ARMC9: variants seen among roughly 807,000 people sequenced by gnomAD.
The protein encoded by ARMC9 is armadillo repeat containing 9, also known as lisH domain-containing protein ARMC9.
A neutral mutation model predicts 107.0 loss-of-function variants in ARMC9; 94 were observed. The ratio of observed to expected loss-of-function variants is 0.88; its 90% CI spans 0.74 to 1.04. ARMC9 has a LOEUF of 1.04. Among genes scored for constraint, ARMC9 ranks in the 50% least tolerant of loss-of-function variants. The pLI, the probability that ARMC9 is intolerant of heterozygous loss-of-function variation, is 0.00. For missense variants in ARMC9, 942 were observed against 1,030.1 expected (o/e 0.91, Z 1.17); for synonymous variants, 380 against 396.9 (o/e 0.96, Z 0.51).
At chr2:231,265,452 G>A (rs1343064877) in intron 12 of ARMC9, among the ~76,000 whole-genome samples, 3 of 152,166 alleles carry the variant, frequency 2.0e-5, no homozygotes, top group Non-Finnish European at 4.4e-5. Context: ...GCTGCAATTT[G>A]GATGGAGCTG....
Position 231,235,312 on chromosome 2 carries a change from C to T in ARMC9, c.711C>T (p.Asp237=), listed in dbSNP as rs2035607307. The change falls in exon 8 of 25, where the codon GAC becomes GAT. Residue 237 remains aspartate, a synonymous_variant. Transcript: ENST00000611582. ...YLKRYNKIQA[D]YHNLIGVTAE... is the part of the protein sequence containing the mutation. ...AACGGTACAATAAGATCCAGGCCGACTACCACAATCTCATTGGAGTCACAG... is the reference window on the plus strand; with the variant it reads ...AACGGTACAATAAGATCCAGGCCGATTACCACAATCTCATTGGAGTCACAG... 1.2e-6 allele frequency: 2 copies of T among 1,614,252 alleles called. No homozygotes were observed. Among genetic ancestry groups the T allele is most frequent in the Non-Finnish European group, 1.7e-6 (2 of 1,180,046 alleles).
chr2:231,316,160 A>ATGTGTGTG (rs141395956), intron 19 of ARMC9, among the ~76,000 whole-genome samples: 54 of 147,630 alleles, frequency 3.7e-4, no homozygotes, highest in African/African-American at 1.3e-3. Context: ...GTGTGTATGT[A>ATGTGTGTG]TGTGTGTGTG....
chr2:231,313,670 GTAA>G (rs2042486063), intron 19 of ARMC9, among the ~76,000 whole-genome samples: 1 of 152,016 alleles, frequency 6.6e-6, no homozygotes, highest in South Asian at 2.1e-4. Context: ...CAAACCCCAG[GTAA>G]CCATCAATCT....
intron 20 of ARMC9, among the ~76,000 whole-genome samples, chr2:231,340,366 G>T (rs999497651): frequency 1.3e-5 from 2 of 152,086 alleles, no homozygotes; most frequent in Non-Finnish European, 2.9e-5. Flanking sequence ...TGCATCAAGC[G>T]CCTTTACCTC....
chr2:231,252,147 GT>G (rs989888759), intron 9 of ARMC9, among the ~76,000 whole-genome samples: 18 of 152,120 alleles, frequency 1.2e-4, no homozygotes, highest in African/African-American at 3.9e-4. Context: ...GGTAGAAAAC[GT>G]TTTTTGGCTA....
At chr2:231,284,697 T>A (rs1045255064) in intron 17 of ARMC9, among the ~76,000 whole-genome samples, 8 of 152,182 alleles carry the variant, frequency 5.3e-5, no homozygotes, top group African/African-American at 1.9e-4. Context: ...TTTATTGTCT[T>A]GGTTACACAG....
At chr2:231,341,474 A>G (rs1309571372) in intron 20 of ARMC9, among the ~76,000 whole-genome samples, 1 of 152,196 alleles carries the variant, frequency 6.6e-6, no homozygotes. Context: ...GGAGTCTGGG[A>G]GGTGAGTATT....
In ARMC9 at chr2:231,200,534, G is replaced by A. The variant is rs547342210; in HGVS notation, c.-42+1836G>A. Among the ~76,000 whole-genome samples, 46 of 152,270 alleles carry A rather than the reference G, an allele frequency of 3.0e-4. 1 individual carries two copies. The highest frequency in any genetic ancestry group is 2.7e-3 in the Admixed American group (41 of 15,292). On this transcript the variant is annotated intron_variant, in intron 1 of 24. Coordinates refer to ENST00000611582, the MANE Select transcript of ARMC9 (RefSeq NM_001352754.2). ...CTAAAAATACAAAAATTAGCTGGGC[G>A]TTGGTGGCGGACGCCTGTAATCCCA...
At chr2:231,316,208 A>G (rs527583724) in intron 19 of ARMC9, among the ~76,000 whole-genome samples, 274 of 149,940 alleles carry the variant, frequency 1.8e-3, no homozygotes, top group Admixed American at 3.5e-3. Flanking sequence ...CCACCTACAT[A>G]TTTACCATTT....
At position 231,360,791 on chromosome 2, in the gene ARMC9, AG is replaced by A; in HGVS notation, c.2171del (p.Gly724AspfsTer28). On this transcript the variant is annotated frameshift_variant, in exon 23 of 25. Transcript: ENST00000611582. LOFTEE classifies it high-confidence loss of function. The surrounding 1 kb of genome is among the most constrained non-coding windows in gnomAD (Gnocchi z 4.7). The stretch of plus-strand genomic sequence containing the variant: ...CCAAGCCAGGAGAGTGGCTCCCAAG[AG>A]GACGCCAGGAAGAGCCTCGCCCAGC... ...IAKPGEWLPR[G>X]RQEEPRPAPT... The A allele has an allele frequency of 6.5e-7, 1 of 1,536,124 alleles. No individual in the cohort carries two copies. The highest frequency in any genetic ancestry group is 8.7e-7 in the Non-Finnish European group (1 of 1,146,882).
intron 19 of ARMC9, among the ~76,000 whole-genome samples, chr2:231,316,849 A>G (rs986129488): frequency 4.6e-5 from 7 of 151,456 alleles, no homozygotes; most frequent in Admixed American, 2.0e-4. Flanking sequence ...TGCAACCTCT[A>G]CCTCCCAGGT....
intron 8 of ARMC9, among the ~76,000 whole-genome samples, chr2:231,237,853 T>C (rs2035920698): frequency 7.5e-6 from 1 of 133,190 alleles, no homozygotes; most frequent in East Asian, 2.5e-4. Context: ...TCTCCTGTTT[T>C]AAGCAAGAAA....
intron 19 of ARMC9, among the ~76,000 whole-genome samples, chr2:231,330,628 C>T (rs2043665660): frequency 6.6e-6 from 1 of 152,188 alleles, no homozygotes; most frequent in Admixed American, 6.5e-5. Context: ...ATAGAGAACC[C>T]ACCGCCAGGG....
intron 6 of ARMC9, among the ~76,000 whole-genome samples, chr2:231,223,164 C>T (rs1236125232): frequency 6.6e-6 from 1 of 152,200 alleles, no homozygotes; most frequent in Non-Finnish European, 1.5e-5. Flanking sequence ...GCCCTTCAGG[C>T]CATGGCATAT....
At chr2:231,315,395 C>T (rs1358366390) in intron 19 of ARMC9, among the ~76,000 whole-genome samples, 2 of 151,978 alleles carry the variant, frequency 1.3e-5, no homozygotes, top group African/African-American at 2.4e-5. Context: ...AAAAATTAGC[C>T]AGGCGTGGTG....
intron 19 of ARMC9, among the ~76,000 whole-genome samples, chr2:231,323,883 C>T (rs1012504385): frequency 2.6e-5 from 4 of 152,150 alleles, no homozygotes; most frequent in Admixed American, 6.5e-5. Flanking sequence ...ATAACAATAG[C>T]GTTTGCCTGC....
chr2:231,271,158 T>G (rs899905348), intron 13 of ARMC9, 86 bp downstream of exon 13: 23 of 1,311,716 alleles, frequency 1.8e-5, no homozygotes, highest in Non-Finnish European at 2.5e-5. Context: ...CTCCCAAGTT[T>G]CTTAGAGATG....
chr2:231,300,854 G>A (rs1430871558), intron 19 of ARMC9, among the ~76,000 whole-genome samples: 1 of 152,192 alleles, frequency 6.6e-6, no homozygotes, highest in Non-Finnish European at 1.5e-5. Context: ...CAGGAATACT[G>A]GGAGATGGCT....
intron 14 of ARMC9, among the ~76,000 whole-genome samples, chr2:231,273,704 C>T (rs1419432573): frequency 2.6e-5 from 4 of 152,124 alleles, no homozygotes; most frequent in Non-Finnish European, 4.4e-5. Flanking sequence ...CGTGAGTCAC[C>T]GCACCCGGCC....
Sources: gnomAD v4.1 joint callset for allele counts (sites outside exome capture counted in the v4.1 genomes callset) on GRCh38, gnomAD v4.1.1 for gene constraint, Gnocchi (gnomAD v3.1) non-coding constraint, MANE v1.5 for transcripts, NCBI Gene and HGNC (gene_info 2026-07-23, HGNC 2026-07-21) for gene names.